Variants in TMEM170A observed in about 807,000 individuals in gnomAD.
TMEM170A encodes the protein transmembrane protein 170A, also known as transmembrane protein 170.
TMEM170A carries 18 observed loss-of-function variants against 12.8 expected under a neutral mutation model. The observed-to-expected ratio is 1.41, with a 90% CI of 0.97 to 2.09. The LOEUF is 2.09. Ranked by LOEUF, TMEM170A falls within the 30% of genes most tolerant of loss-of-function variation. The pLI is 0.00. For missense variants in TMEM170A, 220 were observed against 179.9 expected (o/e 1.22, Z -1.28); for synonymous variants, 107 against 76.2 (o/e 1.40, Z -2.11).
intron 2 of TMEM170A, among the ~76,000 whole-genome samples, chr16:75,448,207 G>A (rs1482494585): frequency 6.6e-6 from 1 of 152,210 alleles, no homozygotes. Context: ...AGGGACTAGA[G>A]GGGTGAAAAG....
intron 1 of TMEM170A, 113 bp from the exon 2 acceptor site, chr16:75,451,952 T>C (rs963701591): frequency 3.9e-6 from 4 of 1,025,892 alleles, no homozygotes; most frequent in Non-Finnish European, 5.6e-6. Context: ...CTTTTTTCCT[T>C]TTTTTTGAAA....
In TMEM170A at chr16:75,464,522, G is replaced by A. The variant is rs1410285062; in HGVS notation, c.79C>T (p.Arg27Trp). The change falls in exon 1 of 3, where the codon CGG (arginine) becomes TGG (tryptophan). Residue 27 changes from arginine to tryptophan, a missense_variant. Transcript: ENST00000561878. ...GGGCACAGGGTCCCGTTGCCCACCC[G>A]CGGCACAACCTTCAGGCTCAGGATC... ...QQILSLKVVP[R>W]VGNGTLCPNS... is the part of the protein sequence containing the mutation. 1.6e-5 allele frequency: 25 copies of A among 1,585,502 alleles called. No homozygotes were observed. The highest frequency in any genetic ancestry group is 2.0e-5 in the Non-Finnish European group (23 of 1,168,610).
intron 2 of TMEM170A, among the ~76,000 whole-genome samples, chr16:75,448,258 T>A (rs2079622086): frequency 1.3e-5 from 2 of 152,232 alleles, no homozygotes; most frequent in Non-Finnish European, 1.5e-5. Context: ...TGTTATTCAT[T>A]CACAGGGCAT....
intron 1 of TMEM170A, among the ~76,000 whole-genome samples, chr16:75,463,535 C>T (rs1466200061): frequency 2.6e-5 from 4 of 152,174 alleles, no homozygotes; most frequent in Non-Finnish European, 4.4e-5. Context: ...ATCACAGGTG[C>T]CTTGTTTGGA....
intron 1 of TMEM170A, chr16:75,458,822 T>C (rs751913636): frequency 1.3e-5 from 2 of 152,220 alleles, no homozygotes; most frequent in Admixed American, 6.5e-5. Flanking sequence ...GACATATCAG[T>C]AAAAAGACTA....
chr16:75,461,532 G>C (rs2079908729), intron 1 of TMEM170A, among the ~76,000 whole-genome samples: 2 of 152,156 alleles, frequency 1.3e-5, no homozygotes, highest in African/African-American at 4.8e-5. Flanking sequence ...CTTTTCTGTG[G>C]GGCCAAAATA....
chr16:75,464,299 A>G (rs1391806410), intron 1 of TMEM170A, 169 bp downstream of exon 1: 1 of 1,479,236 alleles, frequency 6.8e-7, no homozygotes, highest in Non-Finnish European at 8.9e-7. Context: ...CCGCCGAAGA[A>G]GTGATGGGGA....
intron 1 of TMEM170A, among the ~76,000 whole-genome samples, chr16:75,459,343 C>T (rs1266454017): frequency 6.6e-6 from 1 of 152,220 alleles, no homozygotes; most frequent in East Asian, 1.9e-4. Context: ...AGCAGAGTCA[C>T]CTAACTCCCA....
chr16:75,459,536 CAT>C (rs1252075413), intron 1 of TMEM170A, among the ~76,000 whole-genome samples: 2 of 152,182 alleles, frequency 1.3e-5, no homozygotes, highest in Non-Finnish European at 2.9e-5. Context: ...AAGCAGACCA[CAT>C]GAGTCCTCCT....
intron 1 of TMEM170A, chr16:75,464,166 C>T (rs903100449): frequency 5.5e-6 from 8 of 1,449,012 alleles, no homozygotes; most frequent in South Asian, 1.2e-5. Context: ...GAACCTGAGG[C>T]GCTCGGAAGC....
intron 1 of TMEM170A, among the ~76,000 whole-genome samples, chr16:75,455,356 CAAAA>C (rs59205915): frequency 9.0e-6 from 1 of 110,822 alleles, no homozygotes; most frequent in African/African-American, 3.5e-5. Context: ...GACACTGTCT[CAAAA>C]AAAAAAAAAA....
intron 1 of TMEM170A, among the ~76,000 whole-genome samples, chr16:75,462,946 G>C (rs2079932800): frequency 1.3e-5 from 2 of 152,040 alleles, no homozygotes; most frequent in Admixed American, 6.5e-5. Flanking sequence ...CATCAAGCAA[G>C]TGTTATGACT....
At chr16:75,461,675 G>A (rs558283749) in intron 1 of TMEM170A, among the ~76,000 whole-genome samples, 148 of 152,268 alleles carry the variant, frequency 9.7e-4, no homozygotes, top group Middle Eastern at 3.4e-3. Context: ...GGGAGGTTAT[G>A]TGTTTACTAC....
rs1164858926 is a variant in TMEM170A at position 75,445,621 on chromosome 16, AAT to A, written c.*1935_*1936del. The A allele has an allele frequency of 6.6e-6, 1 of 152,094 alleles. No individual in the cohort carries two copies. Among genetic ancestry groups the A allele is most frequent in the Non-Finnish European group, 1.5e-5 (1 of 68,018 alleles). 9.4% of individuals were successfully genotyped at this position (152,094 alleles called of 1,614,324 possible). ...CATAAGTGGTCTAATTAGTCAAAAG[AAT>A]ATGTCCAGTTTTTGTGATCTCTTTG... On this transcript the variant is annotated 3_prime_UTR_variant, in exon 3 of 3. Coordinates refer to ENST00000561878, the MANE Select transcript of TMEM170A (RefSeq NM_145254.3).
chr16:75,461,177 C>T (rs11863614), intron 1 of TMEM170A, among the ~76,000 whole-genome samples: 1 of 152,118 alleles, frequency 6.6e-6, no homozygotes, highest in African/African-American at 2.4e-5. Flanking sequence ...CCTCAGCCTC[C>T]CGAGTAGCTG....
intron 1 of TMEM170A, among the ~76,000 whole-genome samples, chr16:75,462,790 GA>G (rs1332288736): frequency 6.6e-6 from 1 of 151,950 alleles, no homozygotes; most frequent in Non-Finnish European, 1.5e-5. Flanking sequence ...TTTTTTTAAG[GA>G]AAAAAATCTA....
intron 1 of TMEM170A, among the ~76,000 whole-genome samples, chr16:75,456,506 A>C (rs978973632): frequency 1.3e-5 from 2 of 152,274 alleles, no homozygotes; most frequent in African/African-American, 4.8e-5. Flanking sequence ...CAATGAAAAA[A>C]GTCAGCCTTA....
At chr16:75,452,703 G>A (rs1354236304) in intron 1 of TMEM170A, 2 of 152,126 alleles carry the variant, frequency 1.3e-5, no homozygotes, top group Non-Finnish European at 2.9e-5. Flanking sequence ...GCCTCCTAAA[G>A]GGCAGGGATT....
At chr16:75,462,178 G>A (rs568225483) in intron 1 of TMEM170A, among the ~76,000 whole-genome samples, 2 of 152,292 alleles carry the variant, frequency 1.3e-5, no homozygotes, top group Admixed American at 1.3e-4. Flanking sequence ...TTCACCAAAT[G>A]ATCAAACTTA....
Sources: allele counts gnomAD v4.1 joint callset (sites outside exome capture counted in the v4.1 genomes callset), GRCh38; gene constraint gnomAD v4.1.1; transcripts MANE v1.5; gene names NCBI Gene and HGNC (gene_info 2026-07-23, HGNC 2026-07-21).